SMARCC1: variants seen among roughly 807,000 people sequenced by gnomAD.
SMARCC1 encodes the protein SWI/SNF related BAF chromatin remodeling complex subunit C1, also known as SWI/SNF complex subunit SMARCC1.
SMARCC1 carries 43 observed loss-of-function variants against 147.4 expected under a neutral mutation model. The ratio of observed to expected loss-of-function variants is 0.29; its 90% CI spans 0.23 to 0.38. The LOEUF is 0.38. SMARCC1 is among the 10% of genes least tolerant of loss of function. The pLI, the probability that SMARCC1 is intolerant of heterozygous loss-of-function variation, is 1.00. For synonymous variants in SMARCC1, 495 were observed against 484.4 expected (o/e 1.02, Z -0.29); for missense variants, 1,119 against 1,381.1 (o/e 0.81, Z 3.01).
chr3:47,739,459 G>C (rs2034482566), intron 3 of SMARCC1, among the ~76,000 whole-genome samples: 1 of 151,980 alleles, frequency 6.6e-6, no homozygotes, highest in Non-Finnish European at 1.5e-5. Context: ...TGAGTAGCTG[G>C]GTCCATAGGC....
chr3:47,768,275 A>T (rs964856090), intron 2 of SMARCC1, among the ~76,000 whole-genome samples: 6 of 152,214 alleles, frequency 3.9e-5, no homozygotes, highest in African/African-American at 9.6e-5. Flanking sequence ...GATTGTATCA[A>T]TCCCTTTCAT....
intron 21 of SMARCC1, among the ~76,000 whole-genome samples, chr3:47,654,892 C>T (rs1186367381): frequency 1.3e-5 from 2 of 152,206 alleles, no homozygotes; most frequent in African/African-American, 4.8e-5. Flanking sequence ...CTCCCAACAC[C>T]ATAACACTGG....
intron 10 of SMARCC1, among the ~76,000 whole-genome samples, chr3:47,704,810 C>A (rs2106791364): frequency 6.6e-6 from 1 of 151,702 alleles, no homozygotes; most frequent in South Asian, 2.1e-4. Context: ...TCAGCTACTC[C>A]AGAGGCTGAG....
chr3:47,621,161 G>T (rs764518107), intron 25 of SMARCC1, among the ~76,000 whole-genome samples: 4 of 152,038 alleles, frequency 2.6e-5, no homozygotes, highest in Non-Finnish European at 4.4e-5. Context: ...TTAGCTGGGC[G>T]TGGTGGCGTG....
At chr3:47,746,577 A>T (rs1237658038) in intron 2 of SMARCC1, among the ~76,000 whole-genome samples, 1 of 152,150 alleles carries the variant, frequency 6.6e-6, no homozygotes, top group African/African-American at 2.4e-5. Flanking sequence ...ATTCAAAACC[A>T]GCCTGGACAA....
chr3:47,685,741 C>T (rs1269828807), intron 14 of SMARCC1, among the ~76,000 whole-genome samples: 1 of 152,012 alleles, frequency 6.6e-6, no homozygotes, highest in Non-Finnish European at 1.5e-5. Context: ...CCTGTAATCC[C>T]AGCTACTCAG....
chr3:47,609,901 A>G (rs1212105527), intron 26 of SMARCC1, among the ~76,000 whole-genome samples, 165 bp downstream of exon 26: 1 of 152,270 alleles, frequency 6.6e-6, no homozygotes, highest in Non-Finnish European at 1.5e-5. Context: ...GGAAGGCTTC[A>G]TGTGGCGATA....
intron 1 of SMARCC1, among the ~76,000 whole-genome samples, chr3:47,773,733 G>A (rs181673102): frequency 2.6e-4 from 40 of 151,950 alleles, no homozygotes; most frequent in Admixed American, 9.2e-4. Context: ...GAGTTCAAGC[G>A]ATTCTCCTCC....
intron 25 of SMARCC1, among the ~76,000 whole-genome samples, chr3:47,614,980 G>A (rs915304515): frequency 2.0e-5 from 3 of 152,122 alleles, no homozygotes; most frequent in Non-Finnish European, 2.9e-5. Context: ...CTCTGAACAT[G>A]TCAGTCATAC....
intron 6 of SMARCC1, 109 bp from the exon 7 acceptor site, chr3:47,720,844 T>C (rs1272619807): frequency 3.4e-6 from 3 of 872,314 alleles, no homozygotes; most frequent in Non-Finnish European, 5.5e-6. Context: ...ACGAACAACA[T>C]TTTTCGAACA....
intron 21 of SMARCC1, among the ~76,000 whole-genome samples, chr3:47,642,491 G>A (rs1289702019): frequency 6.6e-6 from 1 of 152,062 alleles, no homozygotes; most frequent in Non-Finnish European, 1.5e-5. Flanking sequence ...TCAGGAGGCT[G>A]AGGCAGGAGA....
At chr3:47,663,651 T>A in intron 19 of SMARCC1, 1 of 1,512,792 alleles carries the variant, frequency 6.6e-7, no homozygotes, top group Non-Finnish European at 9.2e-7. Flanking sequence ...GAGGTCCCCT[T>A]TGAACCATCG....
chr3:47,641,249 G>A (rs1047694246), intron 21 of SMARCC1, among the ~76,000 whole-genome samples: 4 of 152,228 alleles, frequency 2.6e-5, no homozygotes, highest in Admixed American at 6.5e-5. Flanking sequence ...CACTTTGGGA[G>A]GCCAAGATGG....
intron 14 of SMARCC1, among the ~76,000 whole-genome samples, chr3:47,684,218 C>T (rs111620415): frequency 2.9e-5 from 4 of 139,970 alleles, no homozygotes; most frequent in Non-Finnish European, 3.0e-5. Context: ...CCAGCCTGGG[C>T]GACAGAGCGA....
intron 26 of SMARCC1, among the ~76,000 whole-genome samples, chr3:47,595,477 A>G (rs1444310348): frequency 2.0e-5 from 3 of 152,012 alleles, no homozygotes; most frequent in African/African-American, 7.2e-5. Flanking sequence ...CAGTGAGCCG[A>G]GAATGAGCCA....
rs772346982 is a variant in SMARCC1, at chr3:47,781,700, C to G, written c.98G>C (p.Arg33Pro). ...AAAAGLAVYR[R>P]KDGGPATKFW... The stretch of plus-strand genomic sequence containing the variant: ...CTTGGTGGCCGGGCCCCCATCCTTC[C>G]GTCGATAAACAGCTAGGCCTGCGGC... The change falls in exon 1 of 28, where the codon CGG (arginine) becomes CCG (proline). Residue 33 changes from arginine to proline, a missense_variant. Arg to Pro is a moderately radical substitution (Grantham distance 103). Coordinates refer to ENST00000254480, the MANE Select transcript of SMARCC1 (RefSeq NM_003074.4). The G allele has an allele frequency of 3.2e-6, 5 of 1,562,894 alleles. No homozygotes were observed. The highest frequency in any genetic ancestry group is 8.6e-7 in the Non-Finnish European group (1 of 1,158,410).
rs925405942 is a variant in SMARCC1 at position 47,693,856 on chromosome 3, T to C, written c.1166-556A>G. ...TTTTGTATTTTTTATAGAAACATGG[T>C]TTTGCCATGTTGCCCAGGCTGGTCT... is the stretch of plus-strand genomic sequence containing the variant. On this transcript the variant is annotated intron_variant, in intron 11 of 27. Transcript: ENST00000254480. Among the ~76,000 whole-genome samples, 5 of 152,128 alleles carry C rather than the reference T, an allele frequency of 3.3e-5. No homozygotes were observed. The South Asian group carries it at 1.0e-3, about 31-fold the overall frequency.
chr3:47,615,373 C>T (rs1479631443), intron 25 of SMARCC1, among the ~76,000 whole-genome samples: 1 of 152,166 alleles, frequency 6.6e-6, no homozygotes, highest in Non-Finnish European at 1.5e-5. Flanking sequence ...TTATCTACCA[C>T]AAAAACTATC....
chr3:47,648,279 G>A lies in SMARCC1; in HGVS notation c.2321-9499C>T, dbSNP rs541473857. ...CAAAGTGCTGGAATTACAGGCATGA[G>A]CCACCGCACCCGGCCTTATAAACCT... On this transcript the variant is annotated intron_variant, in intron 21 of 27. Transcript: ENST00000254480. 2.6e-5 allele frequency among the ~76,000 whole-genome samples: 4 copies of A among 152,316 alleles called. No homozygotes were observed. The East Asian group carries it at 5.8e-4, about 22-fold the overall frequency.
Sources: gnomAD v4.1 joint callset for allele counts (sites outside exome capture counted in the v4.1 genomes callset) on GRCh38, gnomAD v4.1.1 for gene constraint, MANE v1.5 for transcripts, NCBI Gene and HGNC (gene_info 2026-07-23, HGNC 2026-07-21) for gene names.